Variants in FCHO2 observed in about 807,000 individuals in gnomAD.
FCHO2 encodes the protein FCH and mu domain containing endocytic adaptor 2.
FCHO2 carries 43 observed loss-of-function variants against 114.1 expected under a neutral mutation model. That is an observed-to-expected ratio of 0.38 (90% CI 0.30 to 0.49). The LOEUF is 0.49. Ranked by LOEUF, FCHO2 falls within the 20% of genes least tolerant of loss-of-function variation. The pLI, the probability that FCHO2 is intolerant of heterozygous loss-of-function variation, is 0.97. For synonymous variants in FCHO2, 293 were observed against 315.2 expected (o/e 0.93, Z 0.75); for missense variants, 807 against 950.4 (o/e 0.85, Z 1.98).
chr5:72,984,053 C>T (rs1162869831), intron 2 of FCHO2, among the ~76,000 whole-genome samples: 2 of 152,036 alleles, frequency 1.3e-5, no homozygotes, highest in African/African-American at 2.4e-5. Flanking sequence ...TTCTTGGTAT[C>T]GTCAGTTTTT....
intron 8 of FCHO2, chr5:73,021,212 GA>G: frequency 1.3e-6 from 1 of 743,432 alleles, no homozygotes; most frequent in Admixed American, 1.8e-5. Context: ...TTGACTGTGG[GA>G]AAAACTGATC....
rs139714038 is a variant in FCHO2, at chr5:73,047,464, A to C, written c.940-3885A>C. ...GTTCTTATTTGCCCTTCTTACTTAA[A>C]AGTTATAATACTATATATGTTCTTT... On this transcript the variant is annotated intron_variant, in intron 11 of 25. Transcript: ENST00000430046. Among the ~76,000 whole-genome samples, 99 of 152,206 alleles carry C rather than the reference A, an allele frequency of 6.5e-4. 1 individual carries two copies. The highest frequency in any genetic ancestry group is 2.3e-3 in the African/African-American group (95 of 41,544).
chr5:73,082,895 AAC>A, intron 24 of FCHO2, 70 bp downstream of exon 24: 1 of 1,269,272 alleles, frequency 7.9e-7, no homozygotes, highest in Non-Finnish European at 1.1e-6. Flanking sequence ...TTTTTTTTAA[AAC>A]AGAGTCTAGC....
chr5:72,961,097 A>G (rs1262650667), intron 1 of FCHO2, among the ~76,000 whole-genome samples: 2 of 152,178 alleles, frequency 1.3e-5, no homozygotes, highest in Admixed American at 1.3e-4. Context: ...ATTAAATTGA[A>G]ACATTGGTTA....
chr5:73,049,832 TTGTG>T (rs760914774), intron 11 of FCHO2, among the ~76,000 whole-genome samples: 2 of 151,828 alleles, frequency 1.3e-5, no homozygotes, highest in African/African-American at 2.4e-5. Context: ...TCTAAACAAA[TTGTG>T]TGTGTGTGTG....
In FCHO2 at chr5:73,024,112, T is replaced by C. The variant is rs534208933; in HGVS notation, c.796+6804T>C. 5.9e-5 allele frequency among the ~76,000 whole-genome samples: 9 copies of C among 152,252 alleles called. No individual in the cohort carries two copies. The East Asian group carries it at 1.7e-3, about 29-fold the overall frequency. On this transcript the variant is annotated intron_variant, in intron 8 of 25. Coordinates refer to ENST00000430046, the MANE Select transcript of FCHO2 (RefSeq NM_138782.3). ...TCTTGCTCTGTCACCTAGGCTAGAA[T>C]GCAGTGATGCAATCATAGCTCACTG...
chr5:73,013,401 A>C (rs957831089), intron 6 of FCHO2, among the ~76,000 whole-genome samples: 1 of 152,236 alleles, frequency 6.6e-6, no homozygotes, highest in African/African-American at 2.4e-5. Flanking sequence ...AGATAAAAAT[A>C]GTAAGGCTTA....
At chr5:72,998,493 GA>G (rs749639162) in intron 5 of FCHO2, among the ~76,000 whole-genome samples, 4 of 145,442 alleles carry the variant, frequency 2.8e-5, no homozygotes, top group Non-Finnish European at 4.6e-5. Flanking sequence ...TCTCAAAAAA[GA>G]AAAAAAAAAT....
chr5:73,024,310 T>C (rs957028912), intron 8 of FCHO2, among the ~76,000 whole-genome samples: 2 of 152,168 alleles, frequency 1.3e-5, no homozygotes, highest in African/African-American at 4.8e-5. Context: ...AATCCTTCTG[T>C]CTCAGCCTCC....
chr5:73,081,646 CT>C (rs1331444002), intron 22 of FCHO2, 136 bp from the exon 23 acceptor site: 2 of 539,802 alleles, frequency 3.7e-6, no homozygotes, highest in Non-Finnish European at 6.1e-6. Context: ...GATAGGTCTG[CT>C]TCACTCTGCC....
chr5:72,996,886 G>GGCCGGCAGA, intron 5 of FCHO2: 1 of 1,486,224 alleles, frequency 6.7e-7, no homozygotes, highest in Non-Finnish European at 9.1e-7. Flanking sequence ...GGGCCGGCGG[G>GGCCGGCAGA]GCCGGCAGAG....
At chr5:73,047,965 A>ATACT (rs1252551825) in intron 11 of FCHO2, among the ~76,000 whole-genome samples, 1 of 151,968 alleles carries the variant, frequency 6.6e-6, no homozygotes, top group East Asian at 1.9e-4. Context: ...GCTCCCTAGT[A>ATACT]GCTGGGCTGC....
intron 6 of FCHO2, among the ~76,000 whole-genome samples, chr5:73,008,817 A>G (rs943069035): frequency 2.6e-5 from 4 of 152,226 alleles, no homozygotes; most frequent in African/African-American, 9.6e-5. Flanking sequence ...ATGCCACTAC[A>G]GATCCTGCTG....
chr5:72,982,598 T>C (rs756029715), intron 2 of FCHO2, among the ~76,000 whole-genome samples: 4 of 152,192 alleles, frequency 2.6e-5, no homozygotes, highest in African/African-American at 4.8e-5. Flanking sequence ...CCTTTAGATA[T>C]TGTGTCTAAA....
Position 73,083,035 on chromosome 5 carries a change from AACTAATTT to A in FCHO2, c.2245+211_2245+218del, listed in dbSNP as rs1288694369. On this transcript the variant is annotated intron_variant, in intron 24 of 25. Transcript: ENST00000430046. ...ATTACAGGCACGTGCCACCACACCC[AACTAATTT>A]TTGTTTGTTTGTTTTTTTTTTTAGT... 4.0e-5 allele frequency among the ~76,000 whole-genome samples: 6 copies of A among 151,762 alleles called. No individual in the cohort carries two copies. The East Asian group carries it at 9.7e-4, about 24-fold the overall frequency.
chr5:72,977,679 A>G (rs1475560050), intron 2 of FCHO2, among the ~76,000 whole-genome samples: 2 of 152,198 alleles, frequency 1.3e-5, no homozygotes, highest in Non-Finnish European at 2.9e-5. Context: ...TGTTTTAGTC[A>G]TGAAGTCTTT....
chr5:73,047,876 G>A (rs897887953), intron 11 of FCHO2, among the ~76,000 whole-genome samples: 1 of 151,714 alleles, frequency 6.6e-6, no homozygotes, highest in Non-Finnish European at 1.5e-5. Context: ...TTGCTCTGTT[G>A]CCTAGGCTGG....
At chr5:73,031,798 A>C (rs1756252590) in intron 8 of FCHO2, among the ~76,000 whole-genome samples, 1 of 152,324 alleles carries the variant, frequency 6.6e-6, no homozygotes, top group East Asian at 1.9e-4. Context: ...CAGGAGACAG[A>C]GCCAAAATGG....
intron 2 of FCHO2, 136 bp downstream of exon 2, chr5:72,968,725 A>G (rs944821854): frequency 8.2e-6 from 5 of 609,988 alleles, no homozygotes; most frequent in Admixed American, 8.2e-5. Flanking sequence ...AATTATATCT[A>G]TCTATTTGTA....
Sources: gnomAD v4.1 joint callset for allele counts (sites outside exome capture counted in the v4.1 genomes callset) on GRCh38, gnomAD v4.1.1 for gene constraint, MANE v1.5 for transcripts, NCBI Gene and HGNC (gene_info 2026-07-23, HGNC 2026-07-21) for gene names.